Variants in DLGAP2 observed in about 807,000 individuals in gnomAD.
DLGAP2 encodes the protein disks large-associated protein 2.
In DLGAP2, 26 loss-of-function variants were observed where a neutral mutation model predicts 100.3. The ratio of observed to expected loss-of-function variants is 0.26; its 90% CI spans 0.19 to 0.36. The LOEUF is 0.36. Among genes scored for constraint, DLGAP2 ranks in the 10% least tolerant of loss-of-function variants. The pLI is 1.00. For synonymous variants in DLGAP2, 886 were observed against 630.1 expected (o/e 1.41, Z -6.08); for missense variants, 1,858 against 1,453.2 (o/e 1.28, Z -4.53).
chr8:947,446 G>C (rs1365425776), intron 2 of DLGAP2, among the ~76,000 whole-genome samples: 1 of 152,212 alleles, frequency 6.6e-6, no homozygotes, highest in Non-Finnish European at 1.5e-5. Context: ...ACGTCCGCGC[G>C]GCTCAGCCCT....
intron 3 of DLGAP2, among the ~76,000 whole-genome samples, chr8:1,442,224 G>A (rs2130071124): frequency 9.6e-6 from 1 of 104,540 alleles, no homozygotes; most frequent in Admixed American, 9.4e-5. Flanking sequence ...GCCACCGGGG[G>A]AGACGGACCC....
intron 3 of DLGAP2, chr8:1,300,215 G>T (rs1235901826): frequency 2.0e-5 from 3 of 152,128 alleles, no homozygotes; most frequent in East Asian, 3.9e-4. Context: ...GTGTGTCTGT[G>T]TGCAAAGTGT....
At position 1,642,032 on chromosome 8, in the gene DLGAP2, C is replaced by A. The variant is rs1358209645; in HGVS notation, c.1810+8986C>A. ...GGTCCTCACCTGTGTCACCCTCGAC[C>A]CTGCCGGCCCCCACCTGTGTCACCC... On this transcript the variant is annotated intron_variant, in intron 8 of 14. Transcript: ENST00000637795. Among the ~76,000 whole-genome samples the A allele has an allele frequency of 1.3e-4, 4 of 31,146 alleles. 2 individuals carry two copies. The highest frequency in any genetic ancestry group is 2.0e-4 in the Non-Finnish European group (4 of 19,684). The allele number at this position is 31,146 out of a possible 152,430, so 20.4% of individuals were successfully genotyped here.
At chr8:1,179,727 C>T (rs1797340245) in intron 2 of DLGAP2, among the ~76,000 whole-genome samples, 1 of 152,180 alleles carries the variant, frequency 6.6e-6, no homozygotes, top group South Asian at 2.1e-4. Flanking sequence ...TACAGTTACA[C>T]AGCTATAATA....
chr8:1,169,247 G>C (rs35953739), intron 2 of DLGAP2, among the ~76,000 whole-genome samples: 7 of 152,126 alleles, frequency 4.6e-5, no homozygotes, highest in African/African-American at 1.7e-4. Context: ...CTATATCTCT[G>C]TTTTGGTACC....
At chr8:1,236,119 T>TAC (rs2116845497) in intron 2 of DLGAP2, among the ~76,000 whole-genome samples, 5 of 92,498 alleles carry the variant, frequency 5.4e-5, no homozygotes, top group Non-Finnish European at 8.2e-5. Context: ...CATGTCTAGT[T>TAC]CTCTCACATG....
intron 2 of DLGAP2, among the ~76,000 whole-genome samples, chr8:1,006,290 G>A (rs1324117976): frequency 6.6e-5 from 10 of 152,278 alleles, no homozygotes; most frequent in South Asian, 2.1e-4. Context: ...TTATCACATC[G>A]AGGACGCCAT....
intron 6 of DLGAP2, among the ~76,000 whole-genome samples, chr8:1,613,954 C>A (rs538442714): frequency 6.6e-6 from 1 of 152,300 alleles, no homozygotes; most frequent in South Asian, 2.1e-4. Flanking sequence ...CAACTATTCC[C>A]GGTACAAATA....
intron 3 of DLGAP2, among the ~76,000 whole-genome samples, chr8:1,481,435 G>A (rs1311829932): frequency 1.4e-5 from 2 of 144,662 alleles, no homozygotes; most frequent in Non-Finnish European, 3.0e-5. Context: ...AAAGTGAGAT[G>A]ATACTTTATT....
intron 6 of DLGAP2, among the ~76,000 whole-genome samples, chr8:1,570,539 G>C (rs896207609): frequency 6.6e-6 from 1 of 152,252 alleles, no homozygotes; most frequent in East Asian, 1.9e-4. Flanking sequence ...GCTTTGAGAA[G>C]GCTCAGTTGG....
chr8:1,693,513 G>T (rs944472070), intron 13 of DLGAP2, among the ~76,000 whole-genome samples: 1 of 152,068 alleles, frequency 6.6e-6, no homozygotes, highest in Non-Finnish European at 1.5e-5. Context: ...AACATTTTCA[G>T]TCAAATGCAA....
chr8:1,606,577 A>C (rs567644106), intron 6 of DLGAP2, among the ~76,000 whole-genome samples: 15 of 152,370 alleles, frequency 9.8e-5, no homozygotes, highest in Admixed American at 8.5e-4. Flanking sequence ...TGATGGAAGC[A>C]TATTCCATTG....
intron 1 of DLGAP2, among the ~76,000 whole-genome samples, chr8:829,959 A>C (rs1423982273): frequency 6.6e-6 from 1 of 152,222 alleles, no homozygotes; most frequent in Non-Finnish European, 1.5e-5. Context: ...AGTGATATAA[A>C]TAATGCTTGG....
At chr8:1,433,379 T>C (rs73172539) in intron 3 of DLGAP2, among the ~76,000 whole-genome samples, 32,537 of 151,900 alleles carry the variant, frequency 0.21, 3,895 homozygotes, top group Middle Eastern at 0.29. Context: ...ACAGGAGGGG[T>C]TGGTCCTGCC....
At chr8:1,222,057 A>G (rs1464146464) in intron 2 of DLGAP2, among the ~76,000 whole-genome samples, 1 of 152,210 alleles carries the variant, frequency 6.6e-6, no homozygotes, top group African/African-American at 2.4e-5. Flanking sequence ...TGTGCCATCC[A>G]GATTCTGAAT....
intron 1 of DLGAP2, among the ~76,000 whole-genome samples, chr8:756,233 G>C (rs1160061415): frequency 6.6e-6 from 1 of 152,150 alleles, no homozygotes; most frequent in African/African-American, 2.4e-5. Flanking sequence ...TGGCATAGGA[G>C]ACGGGAGAAG....
chr8:916,200 C>T (rs1364681770), intron 2 of DLGAP2, among the ~76,000 whole-genome samples: 3 of 152,184 alleles, frequency 2.0e-5, no homozygotes, highest in Non-Finnish European at 4.4e-5. Flanking sequence ...TTGTAGGTTA[C>T]CTTAAAGTCT....
At chr8:1,111,374 C>A (rs1030574925) in intron 2 of DLGAP2, among the ~76,000 whole-genome samples, 2 of 152,080 alleles carry the variant, frequency 1.3e-5, no homozygotes, top group Non-Finnish European at 2.9e-5. Context: ...TTCTGTGTGA[C>A]CTTGGGCGTG....
intron 2 of DLGAP2, among the ~76,000 whole-genome samples, chr8:970,601 A>T (rs11783689): frequency 4.6e-5 from 7 of 152,084 alleles, no homozygotes; most frequent in Admixed American, 1.3e-4. Context: ...GAATAACACT[A>T]TATTGTTTGT....
Sources: gnomAD v4.1 joint callset for allele counts (sites outside exome capture counted in the v4.1 genomes callset) on GRCh38, gnomAD v4.1.1 for gene constraint, MANE v1.5 for transcripts, NCBI Gene and HGNC (gene_info 2026-07-23, HGNC 2026-07-21) for gene names.